GBE1: variants seen among roughly 807,000 people sequenced by gnomAD.
GBE1 encodes 1,4-alpha-glucan branching enzyme 1.
Under a neutral mutation model 88.8 loss-of-function variants are expected in GBE1, and 70 were observed. That is an observed-to-expected ratio of 0.79 (90% CI 0.65 to 0.96). The LOEUF is 0.96. Among genes scored for constraint, GBE1 ranks in the 40% least tolerant of loss-of-function variants. The pLI is 0.00. For missense variants in GBE1, 872 were observed against 871.0 expected (o/e 1.00, Z -0.01); for synonymous variants, 284 against 300.1 (o/e 0.95, Z 0.56).
intron 7 of GBE1, among the ~76,000 whole-genome samples, chr3:81,631,745 C>CA (rs201104083): frequency 0.13 from 15,916 of 119,806 alleles, 1,773 homozygotes; most frequent in African/African-American, 0.33. Context: ...GACTCTGTCT[C>CA]AAAAAAAAAA....
chr3:81,664,496 C>T (rs1415468181), intron 3 of GBE1, among the ~76,000 whole-genome samples: 2 of 149,328 alleles, frequency 1.3e-5, no homozygotes, highest in Non-Finnish European at 3.0e-5. Flanking sequence ...ACAGATATGT[C>T]CAAACCTGAG....
chr3:81,719,608 A>G (rs1705992447), intron 1 of GBE1, among the ~76,000 whole-genome samples: 1 of 152,230 alleles, frequency 6.6e-6, no homozygotes, highest in African/African-American at 2.4e-5. Flanking sequence ...TCCTGTCACA[A>G]TAAACTTGAA....
chr3:81,597,388 G>T (rs979790922), intron 7 of GBE1, among the ~76,000 whole-genome samples: 2 of 150,256 alleles, frequency 1.3e-5, no homozygotes, highest in African/African-American at 4.9e-5. Context: ...TGAACAATTG[G>T]AGGAGCTAGA....
chr3:81,644,787 A>G (rs915639289), intron 6 of GBE1, among the ~76,000 whole-genome samples: 28 of 152,160 alleles, frequency 1.8e-4, no homozygotes, highest in African/African-American at 6.5e-4. Flanking sequence ...ACCCAGGTAA[A>G]AGATAATTGC....
intron 12 of GBE1, among the ~76,000 whole-genome samples, chr3:81,558,006 G>GA (rs1703370404): frequency 6.6e-6 from 1 of 151,890 alleles, no homozygotes; most frequent in Non-Finnish European, 1.5e-5. Flanking sequence ...CGGCATCAGG[G>GA]AAAGTACAAG....
In GBE1 at chr3:81,535,167, T is replaced by C. The variant is rs1420296741; in HGVS notation, c.1934+28A>G. On this transcript the variant is annotated intron_variant, in intron 14 of 15. Transcript: ENST00000429644. ...GTAATAAAGAAGTGAATGTGGACAG[T>C]CATATTCACTGGTAACAAAAAGGAT... The C allele has an allele frequency of 7.6e-6, 12 of 1,588,654 alleles. No individual in the cohort carries two copies. The Admixed American group carries it at 1.2e-4, about 16-fold the overall frequency.
At chr3:81,556,351 C>A (rs1055789997) in intron 12 of GBE1, among the ~76,000 whole-genome samples, 12 of 151,794 alleles carry the variant, frequency 7.9e-5, no homozygotes, top group African/African-American at 2.9e-4. Context: ...AATTTAATTA[C>A]CCTAAAAAGA....
At chr3:81,540,061 T>C (rs1290218854) in intron 12 of GBE1, among the ~76,000 whole-genome samples, 1 of 151,604 alleles carries the variant, frequency 6.6e-6, no homozygotes. Context: ...GTTAGCAGGG[T>C]AAAGGGGACA....
At chr3:81,520,319 G>A (rs916463297) in intron 14 of GBE1, among the ~76,000 whole-genome samples, 15 of 151,306 alleles carry the variant, frequency 9.9e-5, no homozygotes, top group South Asian at 6.2e-4. Context: ...GGTAATTATC[G>A]CAACGTTTCA....
chr3:81,679,201 G>T (rs1360497539), intron 2 of GBE1, among the ~76,000 whole-genome samples: 2 of 152,056 alleles, frequency 1.3e-5, no homozygotes, highest in African/African-American at 2.4e-5. Flanking sequence ...TGCACAAATA[G>T]GTGTCCAAAT....
chr3:81,742,782 A>C (rs145151460), intron 1 of GBE1, among the ~76,000 whole-genome samples: 63 of 152,270 alleles, frequency 4.1e-4, no homozygotes, highest in African/African-American at 1.3e-3. Flanking sequence ...TGCATTGGGA[A>C]CAGCAACCTG....
intron 7 of GBE1, among the ~76,000 whole-genome samples, chr3:81,626,615 C>A (rs928370893): frequency 1.3e-5 from 2 of 151,442 alleles, no homozygotes; most frequent in Non-Finnish European, 2.9e-5. Flanking sequence ...AAAGCATGCA[C>A]AACAGCCCCA....
intron 1 of GBE1, among the ~76,000 whole-genome samples, chr3:81,740,850 G>A (rs1706340309): frequency 6.6e-6 from 1 of 151,592 alleles, no homozygotes; most frequent in Admixed American, 6.6e-5. Flanking sequence ...AAGCTAAAAG[G>A]AGTCTTAGGG....
chr3:81,568,813 T>C (rs1015019080), intron 12 of GBE1, among the ~76,000 whole-genome samples: 1 of 152,152 alleles, frequency 6.6e-6, no homozygotes, highest in African/African-American at 2.4e-5. Flanking sequence ...TGTGAGTATA[T>C]GTGAAGACAT....
In GBE1 at chr3:81,644,736, C is replaced by A. The variant is rs540443118; in HGVS notation, c.782+1656G>T. On this transcript the variant is annotated intron_variant, in intron 6 of 15. Coordinates refer to ENST00000429644, the MANE Select transcript of GBE1 (RefSeq NM_000158.4). ...AAAGGTAAGAGAAGGGGAAAGACAG[C>A]ATGAGAAAACAGAGTGACCAGTTAA... 1.3e-3 allele frequency among the ~76,000 whole-genome samples: 202 copies of A among 152,230 alleles called. 1 individual carries two copies. The highest frequency in any genetic ancestry group is 4.2e-3 in the African/African-American group (176 of 41,554).
chr3:81,553,648 T>C (rs1300717278), intron 12 of GBE1, among the ~76,000 whole-genome samples: 1 of 150,064 alleles, frequency 6.7e-6, no homozygotes, highest in Non-Finnish European at 1.5e-5. Flanking sequence ...CTAAAAATGT[T>C]TCTTTACAGA....
At chr3:81,661,508 G>A (rs181634699) in intron 3 of GBE1, among the ~76,000 whole-genome samples, 61 of 152,284 alleles carry the variant, frequency 4.0e-4, no homozygotes, top group Middle Eastern at 6.8e-3. Flanking sequence ...ATACTCCGAC[G>A]TGCCTGGAAT....
Position 81,524,520 on chromosome 3 carries a change from G to A in GBE1, c.1934+10675C>T, listed in dbSNP as rs1185519852. 2.0e-5 allele frequency among the ~76,000 whole-genome samples: 3 copies of A among 151,556 alleles called. 1 individual carries two copies. The highest frequency in any genetic ancestry group is 2.1e-4 in the South Asian group (1 of 4,818). ...GTACATTTTTGCTTTGATTGCCTAT[G>A]CTTAGTTTAGGCATAAACTATGTCT... On this transcript the variant is annotated intron_variant, in intron 14 of 15. Coordinates refer to ENST00000429644, the MANE Select transcript of GBE1 (RefSeq NM_000158.4).
rs1369808173 is a variant in GBE1, at chr3:81,586,145, C to A, written c.1282G>T (p.Gly428Trp). ...PALCSPISQG[G>W]GGFDYRLAMA... ...GCTAGTCGATAGTCAAAACCACCCC[C>A]TCCCTGGGAAATTGGAGAGCACAGA... The change falls in exon 10 of 16, where the codon GGG becomes TGG. Residue 428 changes from glycine to tryptophan, a missense_variant. Transcript: ENST00000429644. The A allele has an allele frequency of 6.2e-7, 1 of 1,609,984 alleles. No homozygotes were observed. Among genetic ancestry groups the A allele is most frequent in the Non-Finnish European group, 8.5e-7 (1 of 1,178,566 alleles).
Sources: gnomAD v4.1 joint callset for allele counts (sites outside exome capture counted in the v4.1 genomes callset) on GRCh38, gnomAD v4.1.1 for gene constraint, MANE v1.5 for transcripts, NCBI Gene and HGNC (gene_info 2026-07-23, HGNC 2026-07-21) for gene names.